Variants in RBFOX1 observed in about 807,000 individuals in gnomAD.
RBFOX1 encodes RNA binding fox-1 homolog 1, also known as RNA binding protein fox-1 homolog 1.
In RBFOX1, 8 loss-of-function variants were observed where a neutral mutation model predicts 57.7. The observed-to-expected ratio is 0.14, with a 90% CI of 0.08 to 0.25. RBFOX1 has a LOEUF of 0.25. RBFOX1 is among the 10% of genes least tolerant of loss of function. The pLI, the probability that RBFOX1 is intolerant of heterozygous loss-of-function variation, is 1.00. For missense variants in RBFOX1, 611 were observed against 548.5 expected (o/e 1.11, Z -1.14); for synonymous variants, 326 against 222.4 (o/e 1.47, Z -4.15).
intron 4 of RBFOX1, among the ~76,000 whole-genome samples, chr16:7,421,930 A>G (rs1157184899): frequency 1.3e-5 from 2 of 152,164 alleles, no homozygotes; most frequent in Admixed American, 6.5e-5. Context: ...TACACACATT[A>G]TTTTATGTCA....
At chr16:5,381,050 G>A (rs1002194681) in intron 1 of RBFOX1, among the ~76,000 whole-genome samples, 14 of 152,176 alleles carry the variant, frequency 9.2e-5, no homozygotes, top group Admixed American at 1.3e-4. Flanking sequence ...GAGAGGCCTC[G>A]TAGACCATGA....
intron 1 of RBFOX1, among the ~76,000 whole-genome samples, chr16:6,100,232 G>C (rs895697937): frequency 6.6e-6 from 1 of 151,788 alleles, no homozygotes; most frequent in Admixed American, 6.6e-5. Context: ...GCCCGATCTC[G>C]GCTCACTGCA....
intron 3 of RBFOX1, among the ~76,000 whole-genome samples, chr16:5,652,137 A>G (rs2049261115): frequency 6.6e-6 from 1 of 152,214 alleles, no homozygotes; most frequent in Non-Finnish European, 1.5e-5. Flanking sequence ...CCATCTAAAA[A>G]AAATTATACT....
chr16:7,046,603 C>CTTTTTTTTTTTT (rs59921108), intron 3 of RBFOX1, among the ~76,000 whole-genome samples: 3 of 84,986 alleles, frequency 3.5e-5, no homozygotes, highest in Non-Finnish European at 6.6e-5. Flanking sequence ...TGTGTTTTAT[C>CTTTTTTTTTTTT]TTTTTTTTTT....
intron 1 of RBFOX1, among the ~76,000 whole-genome samples, chr16:5,274,373 A>C (rs545705101): frequency 3.7e-4 from 56 of 152,248 alleles, no homozygotes; most frequent in Non-Finnish European, 7.1e-4. Context: ...TACTAAAAAT[A>C]CAAAAATTAG....
chr16:6,722,484 A>G (rs1485072208), intron 3 of RBFOX1, among the ~76,000 whole-genome samples: 1 of 147,688 alleles, frequency 6.8e-6, no homozygotes, highest in Non-Finnish European at 1.5e-5. Flanking sequence ...GGCATATTCC[A>G]TTGATGGAAT....
chr16:5,970,162 C>G (rs1240883514), intron 4 of RBFOX1, among the ~76,000 whole-genome samples: 1 of 152,122 alleles, frequency 6.6e-6, no homozygotes, highest in East Asian at 1.9e-4. Flanking sequence ...GAGGGTAGCA[C>G]AGGAGTCTTG....
chr16:7,460,649 G>C (rs1012766680), intron 4 of RBFOX1, among the ~76,000 whole-genome samples: 2 of 151,216 alleles, frequency 1.3e-5, no homozygotes, highest in African/African-American at 4.9e-5. Context: ...GAAATAATCT[G>C]CACAACAAAC....
chr16:6,844,826 C>T (rs1853909862), intron 3 of RBFOX1, among the ~76,000 whole-genome samples: 1 of 152,140 alleles, frequency 6.6e-6, no homozygotes, highest in Non-Finnish European at 1.5e-5. Flanking sequence ...GTTGCTTTTT[C>T]TCCATAACCT....
At chr16:7,671,464 A>T in intron 13 of RBFOX1, 1 of 1,236,038 alleles carries the variant, frequency 8.1e-7, no homozygotes, top group Non-Finnish European at 1.2e-6. Context: ...GCAAACTTGT[A>T]AATGAATTGC....
rs1283147997 is a variant in RBFOX1 at position 7,215,448 on chromosome 16, G to A, written c.27+163350G>A. 3.9e-5 allele frequency among the ~76,000 whole-genome samples: 6 copies of A among 152,256 alleles called. No homozygotes were observed. In the East Asian group the frequency reaches 9.7e-4, roughly 25 times the overall value. ...GTCCATCAATGATAGACTGGATAAGGAAAATGTAGCACATATACACCATGG... is the reference window on the plus strand; with the variant it reads ...GTCCATCAATGATAGACTGGATAAGAAAAATGTAGCACATATACACCATGG... On this transcript the variant is annotated intron_variant, in intron 4 of 15. Transcript: ENST00000550418.
chr16:6,626,771 AAAATAAAATAAAATAG>A (rs1224706552), intron 2 of RBFOX1, among the ~76,000 whole-genome samples: 2 of 140,790 alleles, frequency 1.4e-5, no homozygotes, highest in South Asian at 4.3e-4. Flanking sequence ...ATAAATAAAT[AAAATAAAATAAAATAG>A]AAATAAAATA....
intron 3 of RBFOX1, among the ~76,000 whole-genome samples, chr16:5,819,341 A>C (rs945059850): frequency 9.9e-5 from 15 of 152,156 alleles, no homozygotes; most frequent in African/African-American, 3.6e-4. Context: ...CCACCTCCCA[A>C]GGGGCCTCAC....
chr16:6,472,995 C>G (rs17140337), intron 2 of RBFOX1, among the ~76,000 whole-genome samples: 21,133 of 152,052 alleles, frequency 0.14, 2,312 homozygotes, highest in East Asian at 0.47. Context: ...AGGGATATCT[C>G]CAGGTGAAAC....
chr16:5,656,074 GAAT>G (rs2049419801), intron 3 of RBFOX1, among the ~76,000 whole-genome samples: 1 of 152,126 alleles, frequency 6.6e-6, no homozygotes, highest in African/African-American at 2.4e-5. Flanking sequence ...CTGGAGTAAT[GAAT>G]AATATTAATT....
At chr16:6,515,592 C>T (rs538953169) in intron 2 of RBFOX1, among the ~76,000 whole-genome samples, 1 of 152,192 alleles carries the variant, frequency 6.6e-6, no homozygotes, top group South Asian at 2.1e-4. Flanking sequence ...CTAAAGAAGC[C>T]TTTTTATGGA....
intron 1 of RBFOX1, among the ~76,000 whole-genome samples, chr16:5,462,178 T>C (rs1370746232): frequency 5.4e-5 from 8 of 148,546 alleles, no homozygotes; most frequent in African/African-American, 2.0e-4. Context: ...CTTTTTTTTT[T>C]TTTTTTTTGA....
chr16:6,272,568 G>A (rs1041921629), intron 1 of RBFOX1, among the ~76,000 whole-genome samples: 2 of 152,118 alleles, frequency 1.3e-5, no homozygotes, highest in Non-Finnish European at 2.9e-5. Flanking sequence ...AAGCTTTTTT[G>A]TGGATAGAGA....
At chr16:6,492,329 G>A (rs919608408) in intron 2 of RBFOX1, among the ~76,000 whole-genome samples, 5 of 152,160 alleles carry the variant, frequency 3.3e-5, no homozygotes, top group African/African-American at 1.2e-4. Context: ...CAACACTTTG[G>A]GAGGCCAAGG....
Sources: gnomAD v4.1 joint callset for allele counts (sites outside exome capture counted in the v4.1 genomes callset) on GRCh38, gnomAD v4.1.1 for gene constraint, MANE v1.5 for transcripts, NCBI Gene and HGNC (gene_info 2026-07-23, HGNC 2026-07-21) for gene names.